The following ASXL1 variants were observed in gnomAD, a reference collection of about 807,000 sequenced individuals.
ASXL1 encodes the protein ASXL transcriptional regulator 1.
Under a neutral mutation model 89.1 loss-of-function variants are expected in ASXL1, and 65 were observed. The ratio of observed to expected loss-of-function variants is 0.73; its 90% CI spans 0.60 to 0.90. The LOEUF is 0.90. Ranked by LOEUF, ASXL1 falls within the 40% of genes least tolerant of loss-of-function variation. ASXL1 has a pLI of 0.00. For synonymous variants in ASXL1, 739 were observed against 746.9 expected, an observed-to-expected ratio of 0.99 and a Z score of 0.17; for missense variants, 1,786 against 1,942.9, an observed-to-expected ratio of 0.92 and a Z score of 1.52.
intron 4 of ASXL1, among the ~76,000 whole-genome samples, chr20:32,419,121 A>G (rs966885151): frequency 6.6e-6 from 1 of 151,488 alleles, no homozygotes; most frequent in African/African-American, 2.4e-5. Flanking sequence ...TTGAGCCACC[A>G]TGCCCAGCCA....
intron 4 of ASXL1, among the ~76,000 whole-genome samples, chr20:32,384,208 T>G (rs980102556): frequency 2.2e-5 from 3 of 138,736 alleles, no homozygotes; most frequent in Non-Finnish European, 3.1e-5. Flanking sequence ...GTTTTTTTTT[T>G]TTTTTTTTTT....
rs769556849 is a variant in ASXL1, at chr20:32,431,531, G to A, written c.882+47G>A. 3.1e-6 allele frequency: 5 copies of A among 1,614,022 alleles called. No individual in the cohort carries two copies. The East Asian group carries it at 1.1e-4, about 36-fold the overall frequency. ...TTTGCCTCTCTCTGGGTGGGCTTCT[G>A]TTCTCTTTTAAGTTTATTTATTAGG... On this transcript the variant is annotated intron_variant, in intron 9 of 12. Transcript: ENST00000375687.
rs971293887 is a variant in ASXL1, at chr20:32,359,548, C to T, written c.57+716C>T. On this transcript the variant is annotated intron_variant, in intron 1 of 12. Coordinates refer to ENST00000375687, the MANE Select transcript of ASXL1 (RefSeq NM_015338.6). ...TGATTCAAACGCAGTGGCTCACGGA[C>T]CCCACTTTGAGAAACGCAGACTGGG... is the stretch of plus-strand genomic sequence containing the variant. 3 of 649,636 alleles carry T rather than the reference C, an allele frequency of 4.6e-6. No homozygotes were observed. In the Admixed American group the frequency reaches 7.1e-5, roughly 15 times the overall value. 40.2% of individuals were successfully genotyped at this position (649,636 alleles called of 1,614,324 possible).
In ASXL1 at chr20:32,436,090, C is replaced by T. The variant is rs137912806; in HGVS notation, c.3378C>T (p.His1126=). ...TAGAGAAGGTTCTTCCACCAGCCCA[C>T]GATGACAGCATGTCAGAATCCCCAC... ...LPLEKVLPPA[H]DDSMSESPQV... is the part of the protein sequence containing the mutation. Residue 1126 remains histidine (H), a synonymous_variant, in exon 13 of 13, where the codon CAC becomes CAT. Transcript: ENST00000375687. The T allele has an allele frequency of 2.4e-5, 38 of 1,614,024 alleles. No individual in the cohort carries two copies. Among genetic ancestry groups the T allele is most frequent in the East Asian group, 8.9e-5 (4 of 44,900 alleles).
intron 4 of ASXL1, among the ~76,000 whole-genome samples, chr20:32,421,483 T>C (rs2049248524): frequency 1.3e-5 from 2 of 152,116 alleles, no homozygotes; most frequent in Admixed American, 1.3e-4. Flanking sequence ...AAAGTTAGCT[T>C]TCATCCATCT....
intron 4 of ASXL1, among the ~76,000 whole-genome samples, chr20:32,374,711 G>A (rs1257018403): frequency 1.3e-5 from 2 of 152,116 alleles, no homozygotes; most frequent in African/African-American, 4.8e-5. Flanking sequence ...CAGAAGTTGT[G>A]CAGGCATTTA....
In ASXL1 at chr20:32,434,543, G is replaced by GC; in HGVS notation, c.1833dup (p.Arg612GlnfsTer7). 6.2e-7 allele frequency: 1 copy of GC among 1,613,864 alleles called. No individual in the cohort carries two copies. The highest frequency in any genetic ancestry group is 8.5e-7 in the Non-Finnish European group (1 of 1,180,016). On this transcript the variant is annotated frameshift_variant, in exon 13 of 13. Transcript: ENST00000375687. LOFTEE classifies it low-confidence loss of function (END_TRUNC). ...GTCCTCCTGCCGGGGTTGGACTGGC[G>GC]CCAGGACCCTCGCAGACATTAAAGC...
intron 4 of ASXL1, among the ~76,000 whole-genome samples, chr20:32,399,484 T>C (rs2048831127): frequency 6.6e-6 from 1 of 151,666 alleles, no homozygotes; most frequent in Admixed American, 6.6e-5. Flanking sequence ...TTTATAGCTT[T>C]CTTCAGGTTT....
Position 32,436,659 on chromosome 20 carries a change from G to T in ASXL1, c.3947G>T (p.Arg1316Leu), listed in dbSNP as rs369419785. Residue 1316 changes from arginine (R) to leucine (L), a missense_variant, in exon 13 of 13, where the codon CGC (arginine) becomes CTC (leucine). Physicochemically the swap from Arg to Leu is moderately radical, Grantham distance 102. Coordinates refer to ENST00000375687, the MANE Select transcript of ASXL1 (RefSeq NM_015338.6). ...GSGNVAATLQ[R>L]PRPADPMPLP... ...GGGAATGTGGCTGCAACCCTTCAGC[G>T]CCCCAGGCCTGCGGACCCGATGCCT... 6.2e-7 allele frequency: 1 copy of T among 1,614,022 alleles called. No individual in the cohort carries two copies. Among genetic ancestry groups the T allele is most frequent in the Non-Finnish European group, 8.5e-7 (1 of 1,180,028 alleles).
rs141290046 is a variant in ASXL1, at chr20:32,360,171, G to A, written c.57+1339G>A. The A allele has an allele frequency of 3.5e-3, 717 of 203,380 alleles. 5 individuals are homozygous for A. The highest frequency in any genetic ancestry group is 0.01 in the Middle Eastern group (5 of 478). 12.6% of individuals were successfully genotyped at this position (203,380 alleles called of 1,614,324 possible). A position where few individuals can be genotyped will look rare whatever the true frequency, so the allele number is the denominator to read the frequency against. On this transcript the variant is annotated intron_variant, in intron 1 of 12. Coordinates refer to ENST00000375687, the MANE Select transcript of ASXL1 (RefSeq NM_015338.6). ...AGTTACAGATTTATAAAAACTGAAG[G>A]AATTTGGGCTACAGAATTTTCATTG...
At chr20:32,426,150 T>G (rs995520604) in intron 4 of ASXL1, among the ~76,000 whole-genome samples, 1 of 152,268 alleles carries the variant, frequency 6.6e-6, no homozygotes, top group African/African-American at 2.4e-5. Context: ...TTCTCCTTTG[T>G]AAGAATCAAT....
Position 32,358,615 on chromosome 20 carries a change from C to T in ASXL1, c.-161C>T, listed in dbSNP as rs2048051964. On this transcript the variant is annotated 5_prime_UTR_variant, in exon 1 of 13. Coordinates refer to ENST00000375687, the MANE Select transcript of ASXL1 (RefSeq NM_015338.6). The stretch of plus-strand genomic sequence containing the variant: ...CCGCCGCTCTCGCGCCAGCCGGTCC[C>T]CGCGTGCCCGCCCCTTCTCCCCGGC... 1 of 190,316 alleles carries T rather than the reference C, an allele frequency of 5.3e-6. No individual in the cohort carries two copies. The highest frequency in any genetic ancestry group is 2.4e-5 in the African/African-American group (1 of 41,942). 11.8% of individuals were successfully genotyped at this position (190,316 alleles called of 1,614,324 possible). A position where few individuals can be genotyped will look rare whatever the true frequency, so the allele number is the denominator to read the frequency against.
At chr20:32,424,008 A>G (rs181862200) in intron 4 of ASXL1, among the ~76,000 whole-genome samples, 1 of 152,308 alleles carries the variant, frequency 6.6e-6, no homozygotes, top group East Asian at 1.9e-4. Context: ...GGGTAGTTTG[A>G]ATTGCAGACA....
At position 32,401,311 on chromosome 20, in the gene ASXL1, C is replaced by T. The variant is rs554026725; in HGVS notation, c.253-26817C>T. Among the ~76,000 whole-genome samples the T allele has an allele frequency of 2.6e-5, 4 of 152,190 alleles. No homozygotes were observed. The East Asian group carries it at 7.7e-4, about 29-fold the overall frequency. ...TTAATGAAATGCCTTTGTACTACTC[C>T]TGTGTAGTCATCATGTCCTCCTTCC... On this transcript the variant is annotated intron_variant, in intron 4 of 12. Transcript: ENST00000375687.
At chr20:32,367,777 T>C (rs2048231273) in intron 3 of ASXL1, 48 bp downstream of exon 3, 1 of 780,356 alleles carries the variant, frequency 1.3e-6, no homozygotes, top group African/African-American at 1.7e-5. Flanking sequence ...CTTAACTTGT[T>C]TCTGCTTCTT....
intron 4 of ASXL1, among the ~76,000 whole-genome samples, chr20:32,412,951 T>G (rs1380882227): frequency 6.6e-6 from 1 of 152,202 alleles, no homozygotes; most frequent in Non-Finnish European, 1.5e-5. Context: ...TTGTTTCCAT[T>G]TGATTATTCA....
Position 32,431,221 on chromosome 20 carries a change from C to T in ASXL1, c.719-100C>T, listed in dbSNP as rs2295765. ...TTGAGCAGATTGTGTGCAGATAACTCCTGGGTAGCTTGGGTGCTGTCACCA... is the reference window on the plus strand; with the variant it reads ...TTGAGCAGATTGTGTGCAGATAACTTCTGGGTAGCTTGGGTGCTGTCACCA... On this transcript the variant is annotated intron_variant, in intron 8 of 12. Transcript: ENST00000375687. The T allele has an allele frequency of 0.83, 1,181,997 of 1,428,080 alleles. 490,654 individuals are homozygous for T. The highest frequency in any genetic ancestry group is 0.93 in the South Asian group (78,416 of 84,428). The allele number at this position is 1,428,080 out of a possible 1,614,324, so 88.5% of individuals were successfully genotyped here. A position where few individuals can be genotyped will look rare whatever the true frequency, so the allele number is the denominator to read the frequency against.
intron 3 of ASXL1, among the ~76,000 whole-genome samples, chr20:32,368,741 G>T (rs1023394353): frequency 1.3e-5 from 2 of 151,984 alleles, no homozygotes; most frequent in African/African-American, 4.8e-5. Flanking sequence ...TAAATTTCTT[G>T]GAAATTTGAT....
intron 4 of ASXL1, among the ~76,000 whole-genome samples, chr20:32,422,162 A>C (rs932432495): frequency 6.7e-6 from 1 of 148,408 alleles, no homozygotes; most frequent in Admixed American, 6.7e-5. Context: ...TACAGGTGTG[A>C]GCCACCGCGC....
Sources: allele counts gnomAD v4.1 joint callset (sites outside exome capture counted in the v4.1 genomes callset), GRCh38; gene constraint gnomAD v4.1.1; transcripts MANE v1.5; gene names NCBI Gene and HGNC (gene_info 2026-07-23, HGNC 2026-07-21).